Variants in ADGRB3 observed in about 807,000 individuals in gnomAD.
ADGRB3 encodes adhesion G protein-coupled receptor B3, also known as brain-specific angiogenesis inhibitor 3.
ADGRB3 carries 37 observed loss-of-function variants against 193.4 expected under a neutral mutation model. The ratio of observed to expected loss-of-function variants is 0.19; its 90% CI spans 0.15 to 0.25. ADGRB3 has a LOEUF of 0.25. Ranked by LOEUF, ADGRB3 falls within the 10% of genes least tolerant of loss-of-function variation. The pLI, the probability that ADGRB3 is intolerant of heterozygous loss-of-function variation, is 1.00. For synonymous variants in ADGRB3, 690 were observed against 644.2 expected, an observed-to-expected ratio of 1.07 and a Z score of -1.08; for missense variants, 1,637 against 1,852.9, an observed-to-expected ratio of 0.88 and a Z score of 2.14.
At chr6:68,888,166 C>T (rs548068053) in intron 3 of ADGRB3, among the ~76,000 whole-genome samples, 3 of 152,232 alleles carry the variant, frequency 2.0e-5, no homozygotes, top group Middle Eastern at 3.4e-3. Flanking sequence ...GCTCATGGAA[C>T]AATCAAGTTA....
chr6:68,727,618 A>T (rs1304702701), intron 3 of ADGRB3, among the ~76,000 whole-genome samples: 2 of 151,564 alleles, frequency 1.3e-5, no homozygotes, highest in African/African-American at 2.4e-5. Flanking sequence ...GACTAAAAAA[A>T]AGTTCATCAT....
chr6:68,910,141 A>T (rs13216650), intron 3 of ADGRB3, among the ~76,000 whole-genome samples: 48,993 of 151,758 alleles, frequency 0.32, 8,277 homozygotes, highest in Middle Eastern at 0.53. Context: ...TTGATTTGCA[A>T]TTCTCTGATG....
intron 3 of ADGRB3, among the ~76,000 whole-genome samples, chr6:68,690,449 A>G (rs73461984): frequency 0.011 from 1,667 of 152,140 alleles, 33 homozygotes; most frequent in African/African-American, 0.036. Context: ...TAGATTTGCT[A>G]TTGTCAGAAT....
In ADGRB3 at chr6:69,210,969, A is replaced by G. The variant is rs577232016; in HGVS notation, c.2481-22321A>G. Among the ~76,000 whole-genome samples the G allele has an allele frequency of 1.5e-4, 23 of 152,140 alleles. 1 individual carries two copies. The South Asian group carries it at 4.8e-3, about 32-fold the overall frequency. On this transcript the variant is annotated intron_variant, in intron 17 of 31. Coordinates refer to ENST00000370598, the MANE Select transcript of ADGRB3 (RefSeq NM_001704.3). ...TCTCTACCAAAAATACAAAAAAAAA[A>G]AAATTAACCAGGCGTGGTGGCAGGC...
intron 28 of ADGRB3, among the ~76,000 whole-genome samples, 158 bp downstream of exon 28, chr6:69,356,018 A>G (rs767029738): frequency 2.0e-5 from 3 of 152,188 alleles, no homozygotes; most frequent in Non-Finnish European, 4.4e-5. Flanking sequence ...GGAGCTGAGA[A>G]ACCAAAGAAC....
intron 3 of ADGRB3, among the ~76,000 whole-genome samples, chr6:68,888,270 C>T (rs1385434306): frequency 6.6e-6 from 1 of 152,020 alleles, no homozygotes; most frequent in Non-Finnish European, 1.5e-5. Flanking sequence ...ACAACAGTGA[C>T]TTATTAATGC....
intron 6 of ADGRB3, among the ~76,000 whole-genome samples, chr6:68,954,875 G>T (rs1381087756): frequency 6.6e-6 from 1 of 151,828 alleles, no homozygotes; most frequent in Non-Finnish European, 1.5e-5. Context: ...TAGAGACGGG[G>T]TTTCACCGTG....
intron 10 of ADGRB3, among the ~76,000 whole-genome samples, chr6:68,991,246 A>G (rs1769228742): frequency 6.6e-6 from 1 of 152,204 alleles, no homozygotes; most frequent in Admixed American, 6.6e-5. Context: ...AGTTGATTCA[A>G]TAACCCATTC....
chr6:69,270,601 A>G (rs1767152544), intron 20 of ADGRB3, among the ~76,000 whole-genome samples: 1 of 152,216 alleles, frequency 6.6e-6, no homozygotes, highest in South Asian at 2.1e-4. Context: ...AGAGGAAATT[A>G]AAGTCTGTAA....
At chr6:69,379,633 C>A (rs377275092) in intron 30 of ADGRB3, among the ~76,000 whole-genome samples, 2 of 151,926 alleles carry the variant, frequency 1.3e-5, no homozygotes, top group African/African-American at 2.4e-5. Context: ...AAAGGCTGGA[C>A]GATCTACTTG....
chr6:69,057,433 A>T (rs1771576073), intron 15 of ADGRB3, among the ~76,000 whole-genome samples: 1 of 151,946 alleles, frequency 6.6e-6, no homozygotes, highest in South Asian at 2.1e-4. Context: ...TAGGACTTCT[A>T]GTACTATGTT....
At chr6:68,909,083 T>C (rs1262196311) in intron 3 of ADGRB3, among the ~76,000 whole-genome samples, 1 of 152,190 alleles carries the variant, frequency 6.6e-6, no homozygotes, top group Non-Finnish European at 1.5e-5. Context: ...GTAAAATTTC[T>C]TGAATGATGA....
intron 3 of ADGRB3, among the ~76,000 whole-genome samples, chr6:68,870,540 T>C (rs1765427014): frequency 6.6e-6 from 1 of 152,156 alleles, no homozygotes; most frequent in Admixed American, 6.5e-5. Flanking sequence ...TCCAAAGACA[T>C]TTGAGCTTTT....
At chr6:69,055,269 A>G (rs570738977) in intron 15 of ADGRB3, among the ~76,000 whole-genome samples, 90 of 152,192 alleles carry the variant, frequency 5.9e-4, no homozygotes, top group Non-Finnish European at 1.1e-3. Flanking sequence ...AAGACTATAC[A>G]CATTAAAGCA....
chr6:68,887,295 A>G (rs1038012356), intron 3 of ADGRB3, among the ~76,000 whole-genome samples: 4 of 152,056 alleles, frequency 2.6e-5, no homozygotes, highest in Non-Finnish European at 5.9e-5. Context: ...TTAACCATTG[A>G]TACGTATCCT....
chr6:68,823,622 G>A (rs944203347), intron 3 of ADGRB3, among the ~76,000 whole-genome samples: 2 of 151,882 alleles, frequency 1.3e-5, no homozygotes, highest in African/African-American at 2.4e-5. Flanking sequence ...TTCTATTTTG[G>A]TTAATAATCA....
At chr6:69,051,940 G>A (rs1278778008) in intron 15 of ADGRB3, among the ~76,000 whole-genome samples, 1 of 152,118 alleles carries the variant, frequency 6.6e-6, no homozygotes, top group Non-Finnish European at 1.5e-5. Context: ...TGTTGCCCAG[G>A]CTGGAGTGCA....
At chr6:69,157,564 G>A (rs1484299337) in intron 17 of ADGRB3, among the ~76,000 whole-genome samples, 9 of 151,938 alleles carry the variant, frequency 5.9e-5, no homozygotes, top group Admixed American at 5.9e-4. Flanking sequence ...TTCTGGGTTT[G>A]GTCCTGTGAT....
At chr6:68,776,918 C>T (rs1766758530) in intron 3 of ADGRB3, among the ~76,000 whole-genome samples, 1 of 152,076 alleles carries the variant, frequency 6.6e-6, no homozygotes, top group Admixed American at 6.6e-5. Flanking sequence ...AATTTAAAAG[C>T]TCTTTACAGA....
Sources: gnomAD v4.1 joint callset for allele counts (sites outside exome capture counted in the v4.1 genomes callset) on GRCh38, gnomAD v4.1.1 for gene constraint, MANE v1.5 for transcripts, NCBI Gene and HGNC (gene_info 2026-07-23, HGNC 2026-07-21) for gene names.